The following ZFHX3 variants were observed in gnomAD, a reference collection of about 807,000 sequenced individuals.
The protein encoded by ZFHX3 is zinc finger homeobox 3.
A neutral mutation model predicts 279.1 loss-of-function variants in ZFHX3; 42 were observed. The observed-to-expected ratio is 0.15, with a 90% CI of 0.12 to 0.19. The LOEUF (loss-of-function observed/expected upper bound fraction) is 0.19. ZFHX3 is among the 10% of genes least tolerant of loss of function. The probability of loss-of-function intolerance (pLI) is 1.00; values close to 1 mark genes in which losing one functional copy is unlikely to be tolerated. For synonymous variants in ZFHX3, 2,293 were observed against 1,957.8 expected (o/e 1.17, Z -4.52); for missense variants, 4,981 against 4,754.0 (o/e 1.05, Z -1.40).
chr16:73,374,576 T>C (rs952142892), intron 3 of ZFHX3, among the ~76,000 whole-genome samples: 1 of 152,242 alleles, frequency 6.6e-6, no homozygotes, highest in Non-Finnish European at 1.5e-5. Flanking sequence ...TCATCGAACA[T>C]CCAGGCAATA....
chr16:72,934,906 A>G (rs1960038232), intron 3 of ZFHX3, among the ~76,000 whole-genome samples: 1 of 152,218 alleles, frequency 6.6e-6, no homozygotes, highest in African/African-American at 2.4e-5. Flanking sequence ...CTGGATTACG[A>G]AATCAGGATC....
chr16:73,676,738 A>G (rs1223812282), intron 2 of ZFHX3, among the ~76,000 whole-genome samples: 1 of 151,982 alleles, frequency 6.6e-6, no homozygotes, highest in Non-Finnish European at 1.5e-5. Flanking sequence ...CACCTAAGAC[A>G]AACAAGTACA....
intron 3 of ZFHX3, among the ~76,000 whole-genome samples, chr16:72,946,119 G>A (rs1430591286): frequency 6.6e-6 from 1 of 152,226 alleles, no homozygotes; most frequent in African/African-American, 2.4e-5. Flanking sequence ...TCTGATGGAA[G>A]TTTTCTTACA....
At chr16:73,274,872 T>G (rs1046047795) in intron 4 of ZFHX3, among the ~76,000 whole-genome samples, 3 of 152,272 alleles carry the variant, frequency 2.0e-5, no homozygotes, top group Non-Finnish European at 4.4e-5. Context: ...ATAAATATTC[T>G]ATATGACATC....
chr16:72,920,454 T>C (rs993082007), intron 3 of ZFHX3, among the ~76,000 whole-genome samples: 2 of 147,374 alleles, frequency 1.4e-5, no homozygotes, highest in Admixed American at 6.8e-5. Context: ...GCCAAGGCGG[T>C]GGATCACCTG....
At chr16:72,881,291 G>C (rs1319335198) in intron 4 of ZFHX3, among the ~76,000 whole-genome samples, 3 of 152,166 alleles carry the variant, frequency 2.0e-5, no homozygotes, top group Admixed American at 6.5e-5. Context: ...AAGCTTCCTT[G>C]TGGCTCTCAG....
chr16:72,804,730 A>ATAAT (rs1291598687), intron 7 of ZFHX3, among the ~76,000 whole-genome samples: 1 of 152,176 alleles, frequency 6.6e-6, no homozygotes, highest in Non-Finnish European at 1.5e-5. Flanking sequence ...GCTGAAATAT[A>ATAAT]TAATTTCTTG....
chr16:72,834,272 T>G (rs1366589189), intron 4 of ZFHX3, among the ~76,000 whole-genome samples: 1 of 152,090 alleles, frequency 6.6e-6, no homozygotes, highest in Non-Finnish European at 1.5e-5. Context: ...ACAAAACTCT[T>G]TCCATCACCA....
intron 5 of ZFHX3, among the ~76,000 whole-genome samples, chr16:73,226,871 C>T (rs2012610150): frequency 6.6e-6 from 1 of 152,122 alleles, no homozygotes; most frequent in Non-Finnish European, 1.5e-5. Flanking sequence ...ACGTGACTGA[C>T]GTATGGCTTG....
rs542514418 is a variant in ZFHX3, at chr16:73,260,440, G to A, written c.-1193-3304C>T. ...CTGTGCTACTATCGATGTTTATTTT[G>A]ATGCACGCTTGGCCAGTTGGGACCC... On this transcript the variant is annotated intron_variant, in intron 4 of 17. Coordinates refer to the ZFHX3 transcript ENST00000641206. 1.9e-4 allele frequency among the ~76,000 whole-genome samples: 29 copies of A among 152,140 alleles called. No homozygotes were observed. The South Asian group carries it at 5.6e-3, about 29-fold the overall frequency.
intron 2 of ZFHX3, among the ~76,000 whole-genome samples, chr16:73,459,563 T>G (rs1341256530): frequency 6.6e-6 from 1 of 152,154 alleles, no homozygotes; most frequent in Non-Finnish European, 1.5e-5. Flanking sequence ...AGATGGGGTT[T>G]CACCATGTTG....
rs138667148 is a variant in ZFHX3 at position 72,957,438 on chromosome 16, G to T, written c.2708C>A (p.Thr903Lys). ...GTAGTCATCCTCACCTAGAGCAGGC[G>T]TCATGGCGGCCATGGGCCCGGCGGG... ...LDPAGPMAAMTPALVGGEIPL... is the reference protein window; with the variant it reads ...LDPAGPMAAMKPALVGGEIPL... The change falls in exon 2 of 10, where the codon ACG becomes AAG. Residue 903 changes from threonine (T) to lysine (K), a missense_variant. Thr to Lys is a moderately conservative substitution (Grantham distance 78). This residue lies in a region of ZFHX3 where 1,751 missense variants were observed against 1,770.0 expected (regional missense o/e 0.99). Transcript: ENST00000268489. 6.2e-7 allele frequency: 1 copy of T among 1,609,454 alleles called. No homozygotes were observed. Among genetic ancestry groups the T allele is most frequent in the African/African-American group, 1.3e-5 (1 of 74,828 alleles).
intron 2 of ZFHX3, among the ~76,000 whole-genome samples, chr16:73,645,695 A>G (rs1302064022): frequency 6.6e-6 from 1 of 152,220 alleles, no homozygotes; most frequent in Non-Finnish European, 1.5e-5. Flanking sequence ...ATGCTTTGAG[A>G]ACATTTAATC....
At chr16:73,583,225 G>T (rs1447740866) in intron 2 of ZFHX3, among the ~76,000 whole-genome samples, 1 of 152,064 alleles carries the variant, frequency 6.6e-6, no homozygotes, top group Non-Finnish European at 1.5e-5. Context: ...CAAGAAATGA[G>T]CCTATAATAT....
intron 3 of ZFHX3, among the ~76,000 whole-genome samples, chr16:73,323,932 G>T (rs1378576817): frequency 6.6e-6 from 1 of 152,214 alleles, no homozygotes; most frequent in Non-Finnish European, 1.5e-5. Flanking sequence ...GAGCCAGAAG[G>T]GCTCTTCAAG....
chr16:73,590,665 T>C (rs1328006169), intron 2 of ZFHX3, among the ~76,000 whole-genome samples: 1 of 152,248 alleles, frequency 6.6e-6, no homozygotes, highest in African/African-American at 2.4e-5. Flanking sequence ...TTTGTCAGCA[T>C]ACAAATTTTA....
intron 5 of ZFHX3, among the ~76,000 whole-genome samples, chr16:73,226,324 C>G (rs150149440): frequency 4.9e-4 from 74 of 152,342 alleles, no homozygotes; most frequent in African/African-American, 1.7e-3. Context: ...GTGGATCACT[C>G]ACAGAAACGG....
intron 1 of ZFHX3, among the ~76,000 whole-genome samples, chr16:73,861,035 C>T (rs1395566156): frequency 6.7e-6 from 1 of 149,498 alleles, no homozygotes; most frequent in African/African-American, 2.5e-5. Flanking sequence ...TGCAGTGGTG[C>T]TCACTGCAGC....
intron 3 of ZFHX3, among the ~76,000 whole-genome samples, chr16:72,947,363 C>G (rs888873966): frequency 6.6e-6 from 1 of 152,230 alleles, no homozygotes; most frequent in Non-Finnish European, 1.5e-5. Flanking sequence ...GCACAACCCT[C>G]TCTCATTTCT....
Sources: allele counts gnomAD v4.1 joint callset (sites outside exome capture counted in the v4.1 genomes callset), GRCh38; gene constraint gnomAD v4.1.1; regional missense constraint gnomAD v4.1.1; transcripts MANE v1.5; gene names NCBI Gene and HGNC (gene_info 2026-07-23, HGNC 2026-07-21).